The following NSD1 variants were observed in gnomAD, a reference collection of about 807,000 sequenced individuals.
The protein encoded by NSD1 is nuclear receptor binding SET domain protein 1.
NSD1 carries 26 observed loss-of-function variants against 242.7 expected under a neutral mutation model. The observed-to-expected ratio is 0.11, with a 90% CI of 0.08 to 0.15. The LOEUF (loss-of-function observed/expected upper bound fraction) is 0.15, where lower values mean the gene tolerates loss of function less well. Ranked by LOEUF, NSD1 falls within the 10% of genes least tolerant of loss-of-function variation. The pLI is 1.00. For synonymous variants in NSD1, 1,106 were observed against 1,178.1 expected (o/e 0.94, Z 1.25); for missense variants, 2,495 against 3,272.8 (o/e 0.76, Z 5.80).
At chr5:177,172,515 T>C (rs1443730359) in intron 2 of NSD1, among the ~76,000 whole-genome samples, 1 of 152,198 alleles carries the variant, frequency 6.6e-6, no homozygotes, top group Non-Finnish European at 1.5e-5. Flanking sequence ...TTTTATCATA[T>C]GATACATAGA....
chr5:177,281,820 T>G (rs1466244978), intron 18 of NSD1, among the ~76,000 whole-genome samples: 6 of 152,050 alleles, frequency 3.9e-5, no homozygotes, highest in Non-Finnish European at 8.8e-5. Context: ...GCCTGGCTAA[T>G]TTTTGTATTT....
chr5:177,292,429 G>A (rs1302142368), intron 22 of NSD1, among the ~76,000 whole-genome samples: 1 of 152,186 alleles, frequency 6.6e-6, no homozygotes, highest in Non-Finnish European at 1.5e-5. Context: ...ATAATGGTTG[G>A]TTTTCTTCCA....
At chr5:177,261,377 G>A (rs1263800447) in intron 14 of NSD1, among the ~76,000 whole-genome samples, 6 of 151,570 alleles carry the variant, frequency 4.0e-5, no homozygotes, top group Non-Finnish European at 8.8e-5. Context: ...CAGTGTGCCC[G>A]GCCATTTTAT....
Position 177,134,614 on chromosome 5 carries a change from G to T in NSD1, c.-17-473G>T, listed in dbSNP as rs1159484943. On this transcript the variant is annotated intron_variant, in intron 1 of 22. Transcript: ENST00000439151. The surrounding 1 kb of genome is among the most constrained non-coding windows in gnomAD (Gnocchi z 4.2). ...GCAAAGGCTCCGGCGCTGGCTGGGC[G>T]CAGGGTGCAGCGCTATTGTGACCGC... Among the ~76,000 whole-genome samples, 168 of 152,294 alleles carry T rather than the reference G, an allele frequency of 1.1e-3. 1 individual carries two copies. Among genetic ancestry groups the T allele is most frequent in the Non-Finnish European group, 2.1e-4 (14 of 68,020 alleles).
intron 2 of NSD1, among the ~76,000 whole-genome samples, chr5:177,182,160 A>T (rs867906608): frequency 6.6e-6 from 1 of 151,964 alleles, no homozygotes; most frequent in Non-Finnish European, 1.5e-5. Flanking sequence ...TCAAAAAAAA[A>T]AAAAAAATTA....
In NSD1 at chr5:177,251,588, A is replaced by G. The variant is rs983968759; in HGVS notation, c.4642-142A>G. 3 of 761,454 alleles carry G rather than the reference A, an allele frequency of 3.9e-6. No individual in the cohort carries two copies. The African/African-American group carries it at 5.3e-5, about 13-fold the overall frequency. 47.2% of individuals were successfully genotyped at this position (761,454 alleles called of 1,614,324 possible). A position where few individuals can be genotyped will look rare whatever the true frequency, so the allele number is the denominator to read the frequency against. Reference sequence around the variant, plus strand: ...GGTACACCTTTGTAACTAGACTAAAATCTACAACTACGGGCCCTTGCCTCT... The same window carrying G: ...GGTACACCTTTGTAACTAGACTAAAGTCTACAACTACGGGCCCTTGCCTCT... On this transcript the variant is annotated intron_variant, in intron 11 of 22. Transcript: ENST00000439151.
chr5:177,214,319 G>T (rs1211279681), intron 5 of NSD1, among the ~76,000 whole-genome samples: 1 of 152,170 alleles, frequency 6.6e-6, no homozygotes, highest in African/African-American at 2.4e-5. Flanking sequence ...CTGCACTCCA[G>T]CCTGGGAGAC....
chr5:177,146,020 T>G (rs1757210700), intron 2 of NSD1, among the ~76,000 whole-genome samples: 1 of 151,700 alleles, frequency 6.6e-6, no homozygotes, highest in African/African-American at 2.4e-5. Flanking sequence ...GCCCAGGAGT[T>G]TGAGGCTACA....
chr5:177,169,094 G>C (rs1562147023), intron 2 of NSD1, among the ~76,000 whole-genome samples: 1 of 152,130 alleles, frequency 6.6e-6, no homozygotes, highest in Non-Finnish European at 1.5e-5. Context: ...ATACTTCTCA[G>C]CTGCAGTGGT....
At chr5:177,239,972 A>ATT (rs1438101694) in intron 8 of NSD1, 107 bp downstream of exon 8, 1 of 698,716 alleles carries the variant, frequency 1.4e-6, no homozygotes. Flanking sequence ...ACATATAGAA[A>ATT]TTAGTGTGTG....
intron 13 of NSD1, among the ~76,000 whole-genome samples, chr5:177,257,404 T>G (rs1260373781): frequency 6.6e-6 from 1 of 151,988 alleles, no homozygotes; most frequent in Admixed American, 6.6e-5. Context: ...CTAATTTTTT[T>G]GTATTTTTAG....
chr5:177,210,412 A>G lies in NSD1; in HGVS notation c.2013A>G (p.Arg671=). 1 of 1,614,180 alleles carries G rather than the reference A, an allele frequency of 6.2e-7. No homozygotes were observed. Among genetic ancestry groups the G allele is most frequent in the Non-Finnish European group, 8.5e-7 (1 of 1,180,034 alleles). The change falls in exon 5 of 23, where the codon AGA becomes AGG. Residue 671 remains arginine, a synonymous_variant. Transcript: ENST00000439151. ...SVLEIPDAFD[R]TENMLSMQKN... ...TTGAAATTCCAGATGCTTTCGATAG[A>G]ACAGAGAACATGTTATCTATGCAGA...
chr5:177,292,390 T>G (rs1759912304), intron 22 of NSD1, among the ~76,000 whole-genome samples: 1 of 152,210 alleles, frequency 6.6e-6, no homozygotes, highest in Admixed American at 6.5e-5. Context: ...TTACTTACAG[T>G]CATGTTTATT....
intron 20 of NSD1, among the ~76,000 whole-genome samples, chr5:177,285,424 C>T (rs1052260383): frequency 4.6e-5 from 7 of 151,542 alleles, no homozygotes; most frequent in Non-Finnish European, 8.8e-5. Context: ...ATTAGCCGGA[C>T]GTGGTGGCAG....
intron 5 of NSD1, among the ~76,000 whole-genome samples, chr5:177,232,799 G>C (rs932312471): frequency 1.3e-5 from 2 of 152,182 alleles, no homozygotes; most frequent in Admixed American, 6.6e-5. Flanking sequence ...ATAGATTAGA[G>C]TAATAAGAAA....
chr5:177,219,241 G>A (rs992577853), intron 5 of NSD1, among the ~76,000 whole-genome samples: 9 of 151,522 alleles, frequency 5.9e-5, no homozygotes, highest in Admixed American at 5.3e-4. Flanking sequence ...GCTGGAGTGA[G>A]CTGGCACGAT....
chr5:177,286,996 C>A (rs887670439), intron 20 of NSD1, among the ~76,000 whole-genome samples: 4 of 152,216 alleles, frequency 2.6e-5, no homozygotes, highest in Non-Finnish European at 5.9e-5. Context: ...CATTCAACTT[C>A]CTGGGCCCTT....
At position 177,269,533 on chromosome 5, in the gene NSD1, T is replaced by G. The variant is rs986150866; in HGVS notation, c.5304-69T>G. On this transcript the variant is annotated intron_variant, in intron 15 of 22. Transcript: ENST00000439151. The surrounding 1 kb of genome is among the most constrained non-coding windows in gnomAD (Gnocchi z 5.1). ...GACATTGCTAATCCTTACTTTTATATGAGTAGGTTATTTTCCTAATGCCTT... is the reference window on the plus strand; with the variant it reads ...GACATTGCTAATCCTTACTTTTATAGGAGTAGGTTATTTTCCTAATGCCTT... 1.0e-5 allele frequency: 14 copies of G among 1,353,254 alleles called. No homozygotes were observed. Among genetic ancestry groups the G allele is most frequent in the Non-Finnish European group, 1.4e-5 (13 of 948,396 alleles). The allele number at this position is 1,353,254 out of a possible 1,614,324, so 83.8% of individuals were successfully genotyped here. A position where few individuals can be genotyped will look rare whatever the true frequency, so the allele number is the denominator to read the frequency against.
At chr5:177,188,844 T>C (rs180921237) in intron 2 of NSD1, among the ~76,000 whole-genome samples, 1 of 150,238 alleles carries the variant, frequency 6.7e-6, no homozygotes, top group Non-Finnish European at 1.5e-5. Context: ...TTTGTCATTT[T>C]AAAAAAAAAA....
Sources: gnomAD v4.1 joint callset for allele counts (sites outside exome capture counted in the v4.1 genomes callset) on GRCh38, gnomAD v4.1.1 for gene constraint, Gnocchi (gnomAD v3.1) non-coding constraint, MANE v1.5 for transcripts, NCBI Gene and HGNC (gene_info 2026-07-23, HGNC 2026-07-21) for gene names.